INTS6: variants seen among roughly 807,000 people sequenced by gnomAD.
INTS6 encodes DEAD box protein.
INTS6 carries 16 observed loss-of-function variants against 104.9 expected under a neutral mutation model. That is an observed-to-expected ratio of 0.15 (90% CI 0.10 to 0.23). The LOEUF (loss-of-function observed/expected upper bound fraction) is 0.23, where lower values mean the gene tolerates loss of function less well. Among genes scored for constraint, INTS6 ranks in the 10% least tolerant of loss-of-function variants. The pLI is 1.00. For synonymous variants in INTS6, 324 were observed against 358.7 expected, an observed-to-expected ratio of 0.90 and a Z score of 1.09; for missense variants, 584 against 1,062.8, an observed-to-expected ratio of 0.55 and a Z score of 6.26.
the INTS6 span, among the ~76,000 whole-genome samples, chr13:51,347,974 G>C: frequency 6.6e-6 from 1 of 151,900 alleles, no homozygotes; most frequent in Non-Finnish European, 1.5e-5. Flanking sequence ...CCCATACCCA[G>C]TCCTAGAGAA....
downstream of INTS6, among the ~76,000 whole-genome samples, chr13:51,357,021 T>G (rs1003183293): frequency 2.6e-5 from 4 of 152,094 alleles, no homozygotes; most frequent in Admixed American, 6.6e-5. Flanking sequence ...TTTTGTGAAG[T>G]TTAATTAAAA....
chr13:51,357,391 C>T (rs79174488), downstream of INTS6, among the ~76,000 whole-genome samples: 3,158 of 152,192 alleles, frequency 0.021, 56 homozygotes, highest in African/African-American at 0.049. Context: ...TCAGCAGAGA[C>T]CTTGCCAGAG....
intron 10 of INTS6, among the ~76,000 whole-genome samples, chr13:51,380,819 A>G (rs2137910827): frequency 6.6e-6 from 1 of 152,342 alleles, no homozygotes; most frequent in East Asian, 1.9e-4. Flanking sequence ...ATTTTGAAGT[A>G]ATCAAGTCCT....
the INTS6 span, chr13:51,348,136 C>G: frequency 9.0e-4 from 1,016 of 1,130,464 alleles, 11 homozygotes; most frequent in African/African-American, 0.014. Flanking sequence ...TCTGAGCCAG[C>G]CTCTCTCAGG....
rs953595606 is a variant in INTS6, at chr13:51,424,261, T to A, written c.429+6033A>T. Reference sequence around the variant, plus strand: ...TAACAAAGAATTCTAGATAGCGGATTAGTTACTGTGGCCATACAGCTTTGT... The same window carrying A: ...TAACAAAGAATTCTAGATAGCGGATAAGTTACTGTGGCCATACAGCTTTGT... On this transcript the variant is annotated intron_variant, in intron 4 of 17. Coordinates refer to ENST00000311234, the MANE Select transcript of INTS6 (RefSeq NM_012141.3). Among the ~76,000 whole-genome samples, 4 of 152,056 alleles carry A rather than the reference T, an allele frequency of 2.6e-5. 1 individual carries two copies. Among genetic ancestry groups the A allele is most frequent in the Non-Finnish European group, 4.4e-5 (3 of 67,930 alleles).
Position 51,376,186 on chromosome 13 carries a change from C to T in INTS6, c.1603-12G>A, listed in dbSNP as rs1019384618. On this transcript the variant is annotated splice_polypyrimidine_tract_variant and intron_variant, in intron 12 of 17. Coordinates refer to ENST00000311234, the MANE Select transcript of INTS6 (RefSeq NM_012141.3). ...TGTGGCTTCAAATCCTATTAAACAA[C>T]ATTCGAGGACAAAATTTATTGTCAA... is the stretch of plus-strand genomic sequence containing the variant. 14 of 1,582,696 alleles carry T rather than the reference C, an allele frequency of 8.8e-6. No homozygotes were observed. The highest frequency in any genetic ancestry group is 1.1e-5 in the Non-Finnish European group (13 of 1,164,354).
intron 9 of INTS6, 120 bp from the exon 10 acceptor site, chr13:51,382,243 G>GT: frequency 2.0e-6 from 1 of 489,368 alleles, no homozygotes; most frequent in South Asian, 2.8e-5. Context: ...AACATCAGAC[G>GT]TTTTTTAACA....
Position 51,452,017 on chromosome 13 carries a change from A to G in INTS6, c.150T>C (p.Tyr50=), listed in dbSNP as rs1279044672. The G allele has an allele frequency of 6.2e-7, 1 of 1,610,312 alleles. No individual in the cohort carries two copies. Among genetic ancestry groups the G allele is most frequent in the Non-Finnish European group, 8.5e-7 (1 of 1,178,016 alleles). Residue 50 remains tyrosine (Y), a synonymous_variant, in exon 2 of 18, where the codon TAT becomes TAC. Coordinates refer to ENST00000311234, the MANE Select transcript of INTS6 (RefSeq NM_012141.3). The surrounding 1 kb of genome is among the most constrained non-coding windows in gnomAD (Gnocchi z 4.2). ...ARDPASRGDR[Y]MLVTFEEPPY... ...GCGGCTCTTCGAAAGTGACCAGCAT[A>G]TACCTGTCTCCTCTGCTGGCAGGGT...
chr13:51,452,152 C>G lies in INTS6; in HGVS notation c.112-97G>C, dbSNP rs1034131683. 6.2e-6 allele frequency: 7 copies of G among 1,129,100 alleles called. No homozygotes were observed. In the African/African-American group the frequency reaches 9.2e-5, roughly 15 times the overall value. The allele number at this position is 1,129,100 out of a possible 1,614,324, so 69.9% of individuals were successfully genotyped here. On this transcript the variant is annotated intron_variant, in intron 1 of 17. Coordinates refer to ENST00000311234, the MANE Select transcript of INTS6 (RefSeq NM_012141.3). The surrounding 1 kb of genome is among the most constrained non-coding windows in gnomAD (Gnocchi z 4.2). ...GCGCCCAGCGGCCCCGCCGCCCCCA[C>G]AGTACCGCACACGCAGCGGCCACCC...
At chr13:51,344,871 G>A in the INTS6 span, among the ~76,000 whole-genome samples, 2 of 151,630 alleles carry the variant, frequency 1.3e-5, no homozygotes, top group African/African-American at 2.4e-5. Flanking sequence ...AGTGCAACAG[G>A]AGCCAAAAAA....
At chr13:51,440,989 T>C (rs1374484980) in intron 3 of INTS6, 1 of 152,236 alleles carries the variant, frequency 6.6e-6, no homozygotes, top group African/African-American at 2.4e-5. Flanking sequence ...CTGGAGATGA[T>C]GATCATCATC....
At chr13:51,435,559 C>T (rs1008667778) in intron 3 of INTS6, among the ~76,000 whole-genome samples, 16 of 151,820 alleles carry the variant, frequency 1.1e-4, no homozygotes, top group African/African-American at 3.4e-4. Context: ...TCTATTATAA[C>T]CTATGTTATT....
At chr13:51,357,517 CG>C (rs1392993574), downstream of INTS6, among the ~76,000 whole-genome samples, 17 of 152,102 alleles carry the variant, frequency 1.1e-4, no homozygotes, top group Admixed American at 1.1e-3. Context: ...TTTGGCCTTT[CG>C]GTCCCAAAGC....
chr13:51,414,066 C>T (rs1259102289), intron 4 of INTS6, among the ~76,000 whole-genome samples: 2 of 152,124 alleles, frequency 1.3e-5, no homozygotes, highest in Non-Finnish European at 2.9e-5. Context: ...CTCATTGCAA[C>T]GTCATTTATG....
chr13:51,347,063 G>A, the INTS6 span: 1 of 1,599,590 alleles, frequency 6.3e-7, no homozygotes, highest in Non-Finnish European at 8.5e-7. Context: ...CTGGCCGTGG[G>A]AGCAAGTCAG....
chr13:51,450,218 A>T, intron 3 of INTS6: 6 of 985,090 alleles, frequency 6.1e-6, no homozygotes, highest in Non-Finnish European at 7.2e-6. Context: ...TGTTACATGT[A>T]ACATTATACA....
At chr13:51,346,394 G>A in the INTS6 span, among the ~76,000 whole-genome samples, 1 of 152,168 alleles carries the variant, frequency 6.6e-6, no homozygotes, top group African/African-American at 2.4e-5. Flanking sequence ...TGCCTGGGGA[G>A]GGAATGTCTA....
intron 15 of INTS6, among the ~76,000 whole-genome samples, chr13:51,371,643 C>A (rs1446497487): frequency 1.3e-5 from 2 of 152,024 alleles, no homozygotes; most frequent in African/African-American, 4.8e-5. Flanking sequence ...GTCACAATCA[C>A]CATCTCTACT....
intron 7 of INTS6, chr13:51,384,808 A>G (rs1956110793): frequency 2.5e-6 from 1 of 407,212 alleles, no homozygotes; most frequent in African/African-American, 2.1e-5. Flanking sequence ...CTAAACTCTC[A>G]TCTCTCTAGA....
Sources: gnomAD v4.1 joint callset for allele counts (sites outside exome capture counted in the v4.1 genomes callset) on GRCh38, gnomAD v4.1.1 for gene constraint, Gnocchi (gnomAD v3.1) non-coding constraint, MANE v1.5 for transcripts, NCBI Gene and HGNC (gene_info 2026-07-23, HGNC 2026-07-21) for gene names.